ITGA9: variants seen among roughly 807,000 people sequenced by gnomAD.
The protein encoded by ITGA9 is integrin alpha-9.
Under a neutral mutation model 127.8 loss-of-function variants are expected in ITGA9, and 56 were observed. That is an observed-to-expected ratio of 0.44 (90% confidence interval 0.35 to 0.55). The LOEUF is 0.55. Among genes scored for constraint, ITGA9 ranks in the 20% least tolerant of loss-of-function variants. The probability of loss-of-function intolerance (pLI) is 0.00; values close to 1 mark genes in which losing one functional copy is unlikely to be tolerated. For synonymous variants in ITGA9, 508 were observed against 514.5 expected (o/e 0.99, Z 0.17); for missense variants, 1,196 against 1,347.1 (o/e 0.89, Z 1.76).
At chr3:37,586,331 C>T (rs1327193690) in intron 15 of ITGA9, among the ~76,000 whole-genome samples, 1 of 152,204 alleles carries the variant, frequency 6.6e-6, no homozygotes, top group African/African-American at 2.4e-5. Flanking sequence ...CAACTTTACC[C>T]TATGCCTGGA....
At chr3:37,494,623 C>A in intron 5 of ITGA9, 55 bp downstream of exon 5, 1 of 1,486,244 alleles carries the variant, frequency 6.7e-7, no homozygotes, top group Non-Finnish European at 9.4e-7. Context: ...CATTTCCTTG[C>A]TTATATGATT....
rs1193521268 is a variant in ITGA9 at position 37,806,180 on chromosome 3, C to G, written c.3009+2238C>G. The G allele has an allele frequency of 1.3e-5, 2 of 152,254 alleles. No homozygotes were observed. Among genetic ancestry groups the G allele is most frequent in the African/African-American group, 4.8e-5 (2 of 41,462 alleles). 9.4% of individuals were successfully genotyped at this position (152,254 alleles called of 1,614,324 possible). A position where few individuals can be genotyped will look rare whatever the true frequency, so the allele number is the denominator to read the frequency against. On this transcript the variant is annotated intron_variant, in intron 27 of 27. Transcript: ENST00000264741. This position sits in a 1 kb window ranked among gnomAD's most constrained non-coding sequence, Gnocchi z 4.3. ...CAACTCCAACTCCTTCCTGCTGAGA[C>G]AGCCTCTGGTTTGTGGGTGGAGAAC...
chr3:37,778,720 G>A (rs1306715159), intron 24 of ITGA9, among the ~76,000 whole-genome samples: 1 of 136,894 alleles, frequency 7.3e-6, no homozygotes, highest in Non-Finnish European at 1.6e-5. Context: ...AAGATGGAAT[G>A]ACAATGCTTT....
At chr3:37,465,635 A>G (rs1579042584) in intron 1 of ITGA9, among the ~76,000 whole-genome samples, 1 of 152,326 alleles carries the variant, frequency 6.6e-6, no homozygotes, top group South Asian at 2.1e-4. Context: ...TCTGGTTAAC[A>G]CCATGACAGC....
intron 15 of ITGA9, among the ~76,000 whole-genome samples, chr3:37,614,303 T>A (rs1419460051): frequency 6.6e-6 from 1 of 151,910 alleles, no homozygotes; most frequent in Non-Finnish European, 1.5e-5. Context: ...CTGAGGGCTC[T>A]GTTCTGTTCC....
intron 14 of ITGA9, 103 bp downstream of exon 14, chr3:37,533,571 C>T: frequency 3.5e-6 from 4 of 1,141,632 alleles, no homozygotes; most frequent in Non-Finnish European, 1.3e-6. Flanking sequence ...GCTGGTTTTG[C>T]AGGCAGCAGG....
At chr3:37,541,978 G>A (rs1484946941) in intron 14 of ITGA9, among the ~76,000 whole-genome samples, 1 of 152,186 alleles carries the variant, frequency 6.6e-6, no homozygotes, top group African/African-American at 2.4e-5. Context: ...GTTCCCTTGT[G>A]TTGGGCATAA....
chr3:37,506,222 C>G (rs1458234799), intron 7 of ITGA9, 137 bp downstream of exon 7: 1 of 718,578 alleles, frequency 1.4e-6, no homozygotes, highest in Non-Finnish European at 2.5e-6. Context: ...GAGGAACCCC[C>G]TGACTGCCCC....
At chr3:37,748,116 G>A (rs958595158) in intron 22 of ITGA9, 9 of 477,762 alleles carry the variant, frequency 1.9e-5, no homozygotes, top group African/African-American at 4.0e-5. Context: ...CCAAAATGTC[G>A]AACACAAAGG....
intron 25 of ITGA9, among the ~76,000 whole-genome samples, chr3:37,783,678 C>CCTTACTTGAAGATTTG (rs1697005396): frequency 6.6e-6 from 1 of 152,112 alleles, no homozygotes; most frequent in Non-Finnish European, 1.5e-5. Flanking sequence ...TACAGCATAT[C>CCTTACTTGAAGATTTG]CTGATACATA....
At chr3:37,465,570 C>A (rs533919332) in intron 1 of ITGA9, among the ~76,000 whole-genome samples, 4 of 152,296 alleles carry the variant, frequency 2.6e-5, no homozygotes, top group African/African-American at 7.2e-5. Flanking sequence ...GTGAGCATAA[C>A]CAGTGTTGGT....
At chr3:37,796,979 C>T (rs185526686) in intron 26 of ITGA9, among the ~76,000 whole-genome samples, 190 of 152,122 alleles carry the variant, frequency 1.2e-3, no homozygotes, top group Non-Finnish European at 2.5e-3. Context: ...TTTGTTGGAG[C>T]CATGGGTTCC....
chr3:37,767,426 TAGAA>T (rs1372402415), intron 23 of ITGA9, among the ~76,000 whole-genome samples: 3 of 152,252 alleles, frequency 2.0e-5, no homozygotes, highest in Admixed American at 2.0e-4. Context: ...AGTTTTCAGT[TAGAA>T]AGGGAGAAGA....
rs1179255907 is a variant in ITGA9 at position 37,629,674 on chromosome 3, T to C, written c.1839+338T>C. ...AGAGCTTAGATTGGTGGATAGTAGGTGCTTAATGAATGTTTTATTGGTGGG... is the reference window on the plus strand; with the variant it reads ...AGAGCTTAGATTGGTGGATAGTAGGCGCTTAATGAATGTTTTATTGGTGGG... On this transcript the variant is annotated intron_variant, in intron 16 of 27. Transcript: ENST00000264741. This position sits in a 1 kb window ranked among gnomAD's most constrained non-coding sequence, Gnocchi z 4.5. Among the ~76,000 whole-genome samples, 2 of 152,130 alleles carry C rather than the reference T, an allele frequency of 1.3e-5. No individual in the cohort carries two copies. Among genetic ancestry groups the C allele is most frequent in the Non-Finnish European group, 2.9e-5 (2 of 68,018 alleles).
intron 27 of ITGA9, among the ~76,000 whole-genome samples, chr3:37,816,825 A>G (rs1387918901): frequency 6.6e-6 from 1 of 152,202 alleles, no homozygotes; most frequent in Non-Finnish European, 1.5e-5. Flanking sequence ...TGAGGATTGA[A>G]GCTCAGAACA....
chr3:37,595,592 G>C (rs1313464205), intron 15 of ITGA9, among the ~76,000 whole-genome samples: 1 of 152,218 alleles, frequency 6.6e-6, no homozygotes, highest in African/African-American at 2.4e-5. Flanking sequence ...GCTGGTAACA[G>C]TGGAGTTTGA....
chr3:37,596,047 T>C (rs555076098), intron 15 of ITGA9, among the ~76,000 whole-genome samples: 6 of 152,344 alleles, frequency 3.9e-5, no homozygotes, highest in Non-Finnish European at 7.3e-5. Flanking sequence ...AAAGCAGACA[T>C]AGACCTTACC....
chr3:37,606,858 C>G (rs187841027), intron 15 of ITGA9, among the ~76,000 whole-genome samples: 1 of 151,986 alleles, frequency 6.6e-6, no homozygotes, highest in East Asian at 1.9e-4. Flanking sequence ...TTGTCACTTC[C>G]TACTCTTGGT....
At chr3:37,642,783 T>A (rs1260153234) in intron 16 of ITGA9, among the ~76,000 whole-genome samples, 1 of 152,332 alleles carries the variant, frequency 6.6e-6, no homozygotes, top group East Asian at 1.9e-4. Flanking sequence ...GTTGAAGCCA[T>A]ACACTTTGGG....
Sources: allele counts gnomAD v4.1 joint callset (sites outside exome capture counted in the v4.1 genomes callset), GRCh38; gene constraint gnomAD v4.1.1; non-coding constraint Gnocchi (gnomAD v3.1); transcripts MANE v1.5; gene names NCBI Gene and HGNC (gene_info 2026-07-23, HGNC 2026-07-21).